The following RIMS1 variants were observed in gnomAD, a reference collection of about 807,000 sequenced individuals.
RIMS1 encodes the protein regulating synaptic membrane exocytosis 1, also known as regulating synaptic membrane exocytosis protein 1.
In RIMS1, 83 loss-of-function variants were observed where a neutral mutation model predicts 214.1. That is an observed-to-expected ratio of 0.39 (90% CI 0.32 to 0.47). The LOEUF (loss-of-function observed/expected upper bound fraction) is 0.47, where lower values mean the gene tolerates loss of function less well. Ranked by LOEUF, RIMS1 falls within the 20% of genes least tolerant of loss-of-function variation. The pLI is 0.99. For missense variants in RIMS1, 2,050 were observed against 2,161.8 expected (o/e 0.95, Z 1.03); for synonymous variants, 793 against 786.8 (o/e 1.01, Z -0.13).
intron 1 of RIMS1, among the ~76,000 whole-genome samples, chr6:71,909,705 T>A (rs947709151): frequency 2.6e-5 from 4 of 152,210 alleles, no homozygotes; most frequent in African/African-American, 9.6e-5. Flanking sequence ...CAGGAAGCTC[T>A]ATTTTTTATG....
At chr6:72,359,632 A>G (rs1419431390) in intron 29 of RIMS1, among the ~76,000 whole-genome samples, 4 of 152,210 alleles carry the variant, frequency 2.6e-5, no homozygotes, top group Non-Finnish European at 5.9e-5. Context: ...AGAGTCATCA[A>G]AACGTCCCTA....
In RIMS1 at chr6:72,182,972, T is replaced by C. The variant is rs1265479719; in HGVS notation, c.1501T>C (p.Leu501=). The C allele has an allele frequency of 1.3e-6, 2 of 1,594,906 alleles. No individual in the cohort carries two copies. Among genetic ancestry groups the C allele is most frequent in the Non-Finnish European group, 1.7e-6 (2 of 1,171,892 alleles). ...KVETMLRNDS[L]SSDQSESVRP... is the part of the protein sequence containing the mutation. Reference sequence around the variant, plus strand: ...GGAGACCATGCTGCGGAACGACTCTTTGAGCTCAGACCAGTCCGAGTCGGT... The same window carrying C: ...GGAGACCATGCTGCGGAACGACTCTCTGAGCTCAGACCAGTCCGAGTCGGT... Residue 501 remains leucine (L), a synonymous_variant, in exon 6 of 34, where the codon TTG becomes CTG. Coordinates refer to ENST00000521978, the MANE Select transcript of RIMS1 (RefSeq NM_014989.7).
chr6:71,886,821 GTGGATGCAAA>G lies in RIMS1; in HGVS notation c.-202_-193del. 1 of 620,720 alleles carries G rather than the reference GTGGATGCAAA, an allele frequency of 1.6e-6. No homozygotes were observed. Among genetic ancestry groups the G allele is most frequent in the South Asian group, 2.0e-5 (1 of 51,028 alleles). The allele number at this position is 620,720 out of a possible 1,614,324, so 38.5% of individuals were successfully genotyped here. A position where few individuals can be genotyped will look rare whatever the true frequency, so the allele number is the denominator to read the frequency against. ...AAACAAAGGCAGCATCCGGGGCTGGGTGGATGCAAACAACCATGAAAGACTGGGTTCTCGC... is the reference window on the plus strand; with the variant it reads ...AAACAAAGGCAGCATCCGGGGCTGGGCAACCATGAAAGACTGGGTTCTCGC... On this transcript the variant is annotated 5_prime_UTR_variant, in exon 1 of 34. It removes an upstream start codon present in the reference 5' UTR. Transcript: ENST00000521978.
chr6:72,150,133 C>T (rs1332210976), intron 4 of RIMS1, among the ~76,000 whole-genome samples: 3 of 150,820 alleles, frequency 2.0e-5, no homozygotes, highest in Non-Finnish European at 4.4e-5. Context: ...CTCAGTGTGG[C>T]TGGGCCTGGG....
chr6:72,184,706 T>C (rs2048851645), intron 6 of RIMS1, among the ~76,000 whole-genome samples: 1 of 151,994 alleles, frequency 6.6e-6, no homozygotes, highest in Admixed American at 6.6e-5. Context: ...AAGAAAATTA[T>C]TGAGGAGAAA....
chr6:72,015,781 C>T (rs1465750493), intron 2 of RIMS1, among the ~76,000 whole-genome samples: 5 of 152,152 alleles, frequency 3.3e-5, no homozygotes, highest in Admixed American at 1.3e-4. Flanking sequence ...AAAAAATTAG[C>T]CGGGCATGAT....
intron 2 of RIMS1, among the ~76,000 whole-genome samples, chr6:71,980,025 G>C (rs1456059364): frequency 6.6e-6 from 1 of 152,114 alleles, no homozygotes; most frequent in Non-Finnish European, 1.5e-5. Context: ...TTAGAAAGTT[G>C]CTGTGCCTCA....
intron 22 of RIMS1, among the ~76,000 whole-genome samples, chr6:72,267,247 CA>C (rs1292983733): frequency 6.6e-6 from 1 of 151,966 alleles, no homozygotes; most frequent in Non-Finnish European, 1.5e-5. Flanking sequence ...ACCCCTTCCC[CA>C]AATAATTTCA....
At chr6:72,322,611 A>G (rs1265459258) in intron 28 of RIMS1, among the ~76,000 whole-genome samples, 1 of 152,106 alleles carries the variant, frequency 6.6e-6, no homozygotes, top group African/African-American at 2.4e-5. Context: ...ATGAACAACA[A>G]CAGCAAAAAC....
chr6:72,025,916 C>A lies in RIMS1; in HGVS notation c.245+56853C>A, dbSNP rs1252697230. Among the ~76,000 whole-genome samples the A allele has an allele frequency of 2.0e-5, 3 of 152,190 alleles. No individual in the cohort carries two copies. In the East Asian group the frequency reaches 5.8e-4, roughly 29 times the overall value. The stretch of plus-strand genomic sequence containing the variant: ...CTGGCAACTTGGTGCTAGAAAAGGT[C>A]ATCCTTCTACAGATGGATCTCTCCA... On this transcript the variant is annotated intron_variant, in intron 2 of 33. Coordinates refer to ENST00000521978, the MANE Select transcript of RIMS1 (RefSeq NM_014989.7).
At chr6:72,168,739 T>C (rs2046621717) in intron 4 of RIMS1, among the ~76,000 whole-genome samples, 1 of 151,080 alleles carries the variant, frequency 6.6e-6, no homozygotes, top group Admixed American at 6.6e-5. Flanking sequence ...TTTTTTTTTT[T>C]TTTTCTAGTG....
At chr6:72,207,448 A>G (rs72937881) in intron 6 of RIMS1, among the ~76,000 whole-genome samples, 27,065 of 152,122 alleles carry the variant, frequency 0.18, 3,022 homozygotes, top group Non-Finnish European at 0.25. Flanking sequence ...TAACATTTCT[A>G]CTTAGCTTCT....
intron 6 of RIMS1, among the ~76,000 whole-genome samples, chr6:72,227,129 T>A (rs2060426412): frequency 6.6e-6 from 1 of 152,046 alleles, no homozygotes; most frequent in Admixed American, 6.6e-5. Context: ...AAGTGTTATA[T>A]GAATATGATT....
intron 4 of RIMS1, among the ~76,000 whole-genome samples, chr6:72,178,680 C>T (rs1262258152): frequency 6.6e-6 from 1 of 152,228 alleles, no homozygotes; most frequent in African/African-American, 2.4e-5. Flanking sequence ...AAAGACAGCT[C>T]ATGGAGCTGT....
intron 26 of RIMS1, 56 bp downstream of exon 26, chr6:72,292,102 A>G (rs2093476913): frequency 2.9e-6 from 3 of 1,017,404 alleles, no homozygotes; most frequent in South Asian, 3.1e-5. Flanking sequence ...AACCTCCTCT[A>G]TTTATACCCC....
chr6:71,901,327 C>T (rs1055447123), intron 1 of RIMS1, among the ~76,000 whole-genome samples: 10 of 152,024 alleles, frequency 6.6e-5, no homozygotes, highest in African/African-American at 1.9e-4. Flanking sequence ...TCATAGCAAC[C>T]TTATTGTTAA....
At chr6:72,194,000 T>A (rs1042574398) in intron 6 of RIMS1, among the ~76,000 whole-genome samples, 1 of 152,216 alleles carries the variant, frequency 6.6e-6, no homozygotes, top group East Asian at 1.9e-4. Flanking sequence ...ATCTAACACT[T>A]TGTGGAAGAT....
intron 6 of RIMS1, among the ~76,000 whole-genome samples, chr6:72,186,443 A>T (rs907451577): frequency 2.0e-5 from 3 of 152,212 alleles, no homozygotes; most frequent in Non-Finnish European, 4.4e-5. Flanking sequence ...CTCGAGAATG[A>T]TTATCACAAA....
At chr6:71,980,468 T>G (rs753416571) in intron 2 of RIMS1, among the ~76,000 whole-genome samples, 1 of 152,108 alleles carries the variant, frequency 6.6e-6, no homozygotes, top group Non-Finnish European at 1.5e-5. Context: ...ATATATAGTC[T>G]GATTTGAAAA....
Sources: allele counts gnomAD v4.1 joint callset (sites outside exome capture counted in the v4.1 genomes callset), GRCh38; gene constraint gnomAD v4.1.1; transcripts MANE v1.5; gene names NCBI Gene and HGNC (gene_info 2026-07-23, HGNC 2026-07-21).